COG4: variants seen among roughly 807,000 people sequenced by gnomAD.
The protein encoded by COG4 is conserved oligomeric Golgi complex subunit 4.
A neutral mutation model predicts 95.1 loss-of-function variants in COG4; 65 were observed. That is an observed-to-expected ratio of 0.68 (90% confidence interval 0.56 to 0.84). The LOEUF is 0.84. Among genes scored for constraint, COG4 ranks in the 40% least tolerant of loss-of-function variants. COG4 has a pLI of 0.00. For missense variants in COG4, 1,045 were observed against 989.1 expected (o/e 1.06, Z -0.76); for synonymous variants, 421 against 374.8 (o/e 1.12, Z -1.42).
At chr16:70,493,832 G>A (rs2049291585) in intron 12 of COG4, among the ~76,000 whole-genome samples, 1 of 152,138 alleles carries the variant, frequency 6.6e-6, no homozygotes, top group Non-Finnish European at 1.5e-5. Flanking sequence ...TGGGAGGGAG[G>A]AAATAGAGGG....
rs528919203 is a variant in COG4 at position 70,513,844 on chromosome 16, T to C, written c.544+491A>G. On this transcript the variant is annotated intron_variant, in intron 4 of 18. Coordinates refer to ENST00000323786, the MANE Select transcript of COG4 (RefSeq NM_015386.3). ...AAATGGCAGAAAGTGAAACCACACA[T>C]AGGGGAGACTGCTTTAACAAAGCCT... 4.6e-5 allele frequency among the ~76,000 whole-genome samples: 7 copies of C among 152,288 alleles called. No homozygotes were observed. In the South Asian group the frequency reaches 6.2e-4, roughly 14 times the overall value.
At chr16:70,488,481 ACTC>A in intron 13 of COG4, among the ~76,000 whole-genome samples, 1 of 151,442 alleles carries the variant, frequency 6.6e-6, no homozygotes, top group South Asian at 2.1e-4. Context: ...CTGGCCTCGA[ACTC>A]CTGGCCTCAA....
In COG4 at chr16:70,512,351, A is replaced by G. The variant is rs1404997003; in HGVS notation, c.626T>C (p.Ile209Thr). 1 of 1,614,014 alleles carries G rather than the reference A, an allele frequency of 6.2e-7. No individual in the cohort carries two copies. Among genetic ancestry groups the G allele is most frequent in the South Asian group, 1.1e-5 (1 of 91,080 alleles). ...LKAIVAEKFA[I>T]ATKEGDLPQV... ...GGGCAGATCACCTTCCTTGGTGGCA[A>G]TGGCAAACTTCTCTGCCACAATGGC... The change falls in exon 5 of 19, where the codon ATT becomes ACT. Residue 209 changes from isoleucine (I) to threonine (T), a missense_variant. By Grantham distance (89) the Ile-to-Thr change is moderately conservative (BLOSUM62 -1). Transcript: ENST00000323786.
chr16:70,515,923 T>C (rs1186075730), intron 3 of COG4: 11 of 444,750 alleles, frequency 2.5e-5, no homozygotes, highest in African/African-American at 4.1e-5. Flanking sequence ...ACTGCTTTGG[T>C]CTCCCAAAGT....
chr16:70,523,327 A>G (rs749136731), intron 1 of COG4, 46 bp downstream of exon 1: 1 of 1,610,568 alleles, frequency 6.2e-7, no homozygotes, highest in Non-Finnish European at 8.5e-7. Context: ...GAAGGCTCCC[A>G]CTCTCCCTAG....
intron 8 of COG4, among the ~76,000 whole-genome samples, chr16:70,504,609 T>TAAGAAAAAAAA (rs2049521447): frequency 8.2e-6 from 1 of 121,946 alleles, no homozygotes; most frequent in African/African-American, 3.6e-5. Flanking sequence ...AGATTCTATT[T>TAAGAAAAAAAA]AAAAAAAAAA....
chr16:70,487,484 C>T (rs2049162854), intron 13 of COG4, among the ~76,000 whole-genome samples: 1 of 152,066 alleles, frequency 6.6e-6, no homozygotes, highest in Non-Finnish European at 1.5e-5. Context: ...ATAATCCCAG[C>T]TACTCCAGAG....
chr16:70,487,321 G>A (rs1188767087), intron 13 of COG4, among the ~76,000 whole-genome samples: 2 of 151,914 alleles, frequency 1.3e-5, no homozygotes, highest in Non-Finnish European at 2.9e-5. Flanking sequence ...ACAAGGCCAG[G>A]CGAGGTGGTT....
chr16:70,523,187 C>T (rs1328432637), intron 1 of COG4, 186 bp downstream of exon 1: 4 of 656,658 alleles, frequency 6.1e-6, no homozygotes, highest in South Asian at 3.6e-5. Flanking sequence ...AAGACAAGCT[C>T]GGCGCGTCCG....
intron 1 of COG4, among the ~76,000 whole-genome samples, chr16:70,520,374 T>TGGGGGG (rs61397425): frequency 4.4e-4 from 1 of 2,266 alleles, no homozygotes; most frequent in African/African-American, 1.1e-3. Flanking sequence ...ACCCGGGGGG[T>TGGGGGG]GGGGGGGGGG....
At chr16:70,498,160 T>A in intron 9 of COG4, 105 bp from the exon 10 acceptor site, 1 of 729,354 alleles carries the variant, frequency 1.4e-6, no homozygotes, top group Admixed American at 2.0e-5. Context: ...TTGAAATATG[T>A]ACATATTTTA....
chr16:70,521,418 C>T (rs1255146713), intron 1 of COG4, among the ~76,000 whole-genome samples: 1 of 151,950 alleles, frequency 6.6e-6, no homozygotes, highest in Non-Finnish European at 1.5e-5. Flanking sequence ...AACATGGTTT[C>T]GCCACGTTGG....
intron 13 of COG4, among the ~76,000 whole-genome samples, chr16:70,487,219 T>C (rs913664965): frequency 1.3e-5 from 2 of 149,910 alleles, no homozygotes; most frequent in African/African-American, 2.5e-5. Flanking sequence ...GAGGTTGCAG[T>C]GAGCCAAGAT....
chr16:70,517,629 G>T lies in COG4; in HGVS notation c.366C>A (p.Ala122=). 1 of 1,396,838 alleles carries T rather than the reference G, an allele frequency of 7.2e-7. No homozygotes were observed. Among genetic ancestry groups the T allele is most frequent in the Non-Finnish European group, 1.0e-6 (1 of 992,452 alleles). 86.5% of individuals were successfully genotyped at this position (1,396,838 alleles called of 1,614,324 possible). Residue 122 remains alanine, a synonymous_variant, in exon 3 of 19, where the codon GCC becomes GCA. Coordinates refer to ENST00000323786, the MANE Select transcript of COG4 (RefSeq NM_015386.3). The part of the protein sequence containing the change: ...VSSKVRQLDL[A]KNRLYQAIQR... ...AAAAAAAAGCTTGATGTATTACCTTGGCCAGGTCAAGCTGACGAACTTTGC... is the reference window on the plus strand; with the variant it reads ...AAAAAAAAGCTTGATGTATTACCTTTGCCAGGTCAAGCTGACGAACTTTGC...
At chr16:70,485,512 G>A (rs532062958) in intron 13 of COG4, among the ~76,000 whole-genome samples, 7 of 150,030 alleles carry the variant, frequency 4.7e-5, no homozygotes, top group African/African-American at 1.5e-4. Context: ...CAGAGACCCT[G>A]TCTTTTAACA....
In COG4 at chr16:70,520,163, C is replaced by T. The variant is rs139237294; in HGVS notation, c.172-432G>A. On this transcript the variant is annotated intron_variant, in intron 1 of 18. Transcript: ENST00000323786. The stretch of plus-strand genomic sequence containing the variant: ...TAAAAATACAAAATTAGGCTGGGCG[C>T]GGCGGCTTACGTCGGTAATCCCAGC... Among the ~76,000 whole-genome samples, 119 of 151,954 alleles carry T rather than the reference C, an allele frequency of 7.8e-4. 1 individual carries two copies. The highest frequency in any genetic ancestry group is 1.5e-3 in the Admixed American group (23 of 15,256).
intron 3 of COG4, 33 bp from the exon 4 acceptor site, chr16:70,514,542 C>T: frequency 6.2e-7 from 1 of 1,603,662 alleles, no homozygotes; most frequent in Non-Finnish European, 8.5e-7. Context: ...CAAACAATGT[C>T]CTATTCTTTC....
chr16:70,501,348 C>T (rs1269574025), intron 8 of COG4: 5 of 496,038 alleles, frequency 1.0e-5, no homozygotes, highest in Non-Finnish European at 1.8e-5. Flanking sequence ...GGAGATGTGT[C>T]TTCTTTTCTT....
chr16:70,482,032 G>A lies in COG4; in HGVS notation c.2004+60C>T, dbSNP rs544133194. The A allele has an allele frequency of 1.7e-5, 24 of 1,452,420 alleles. No homozygotes were observed. The East Asian group carries it at 5.2e-4, about 32-fold the overall frequency. 90.0% of individuals were successfully genotyped at this position (1,452,420 alleles called of 1,614,324 possible). A position where few individuals can be genotyped will look rare whatever the true frequency, so the allele number is the denominator to read the frequency against. On this transcript the variant is annotated intron_variant, in intron 16 of 18. Transcript: ENST00000323786. Reference sequence around the variant, plus strand: ...GAAGGAATGTGATGAGACCCTGCAGGCTGCTGGTTTGGGCTGACGTGGGTA... The same window carrying A: ...GAAGGAATGTGATGAGACCCTGCAGACTGCTGGTTTGGGCTGACGTGGGTA...
Sources: allele counts gnomAD v4.1 joint callset (sites outside exome capture counted in the v4.1 genomes callset), GRCh38; gene constraint gnomAD v4.1.1; transcripts MANE v1.5; gene names NCBI Gene and HGNC (gene_info 2026-07-23, HGNC 2026-07-21).